The following DZANK1 variants were observed in gnomAD, a reference collection of about 807,000 sequenced individuals.
The protein encoded by DZANK1 is double zinc ribbon and ankyrin repeat domains 1.
DZANK1 carries 91 observed loss-of-function variants against 94.5 expected under a neutral mutation model. The observed-to-expected ratio is 0.96, with a 90% CI of 0.81 to 1.15. The LOEUF (loss-of-function observed/expected upper bound fraction) is 1.15. DZANK1 is among the 50% of genes most tolerant of loss of function. The pLI is 0.00. For missense variants in DZANK1, 903 were observed against 916.4 expected (o/e 0.99, Z 0.19); for synonymous variants, 312 against 325.3 (o/e 0.96, Z 0.44).
At chr20:18,395,385 A>C (rs1189714473) in intron 15 of DZANK1, among the ~76,000 whole-genome samples, 1 of 152,064 alleles carries the variant, frequency 6.6e-6, no homozygotes, top group Non-Finnish European at 1.5e-5. Context: ...ACAAAACCAA[A>C]CCAAAACAAA....
intron 10 of DZANK1, among the ~76,000 whole-genome samples, chr20:18,423,974 A>G (rs895467155): frequency 1.3e-5 from 2 of 152,330 alleles, no homozygotes; most frequent in East Asian, 3.9e-4. Flanking sequence ...TGAATTAACC[A>G]GAAGCTAGTT....
intron 10 of DZANK1, chr20:18,420,339 G>GT (rs1478589809): frequency 1.7e-5 from 3 of 173,334 alleles, no homozygotes; most frequent in Non-Finnish European, 3.8e-5. Context: ...CCACTGCAGG[G>GT]TGGGTAGGGA....
At chr20:18,394,480 G>C (rs2056215173) in intron 15 of DZANK1, 130 bp from the exon 16 acceptor site, 1 of 897,616 alleles carries the variant, frequency 1.1e-6, no homozygotes, top group Non-Finnish European at 1.8e-6. Flanking sequence ...TGGAGCCTGA[G>C]ACCTGGATGT....
chr20:18,384,423 C>T, exon 21 of DZANK1: 1 of 1,611,722 alleles, frequency 6.2e-7, no homozygotes, highest in Non-Finnish European at 8.5e-7. Context: ...GGCTGAGGCT[C>T]CTAGTTTGAG....
intron 10 of DZANK1, among the ~76,000 whole-genome samples, chr20:18,424,413 C>T (rs1431015041): frequency 2.0e-5 from 3 of 151,490 alleles, no homozygotes; most frequent in Non-Finnish European, 4.4e-5. Context: ...CAAGATTGTG[C>T]CACTGCACTC....
At chr20:18,439,536 A>T (rs1371937183) in intron 8 of DZANK1, among the ~76,000 whole-genome samples, 1 of 152,178 alleles carries the variant, frequency 6.6e-6, no homozygotes, top group East Asian at 1.9e-4. Context: ...TTACTGAAAC[A>T]TCATTACTGT....
intron 16 of DZANK1, 59 bp downstream of exon 16, chr20:18,394,195 T>C (rs2148221265): frequency 6.8e-7 from 1 of 1,472,392 alleles, no homozygotes; most frequent in South Asian, 1.2e-5. Context: ...CTGCTATACC[T>C]GCCAAGTCCA....
chr20:18,404,893 C>T (rs1056537585), intron 13 of DZANK1, among the ~76,000 whole-genome samples: 5 of 150,350 alleles, frequency 3.3e-5, no homozygotes, highest in African/African-American at 7.4e-5. Context: ...GCCTGGGTGA[C>T]AGAGCAAGAC....
At chr20:18,449,110 T>C (rs780860524) in intron 6 of DZANK1, 41 bp from the exon 7 acceptor site, 31 of 1,510,236 alleles carry the variant, frequency 2.1e-5, no homozygotes, top group Non-Finnish European at 2.8e-5. Context: ...AGTCATATAG[T>C]CAAAATAACA....
In DZANK1 at chr20:18,389,717, C is replaced by T. The variant is rs372715267; in HGVS notation, c.2002G>A (p.Asp668Asn). The change falls in exon 19 of 21, where the codon GAC (aspartate) becomes AAC (asparagine). Residue 668 changes from aspartate to asparagine, a missense_variant. Asp to Asn is a conservative substitution (Grantham distance 23). Transcript: ENST00000262547. ...TTCACTTACGGCCCCCACTGCTGGT[C>T]GATGTCTGCTCCTCTCTGCACGAGA... The T allele has an allele frequency of 7.4e-6, 12 of 1,613,710 alleles. 1 individual carries two copies. Among genetic ancestry groups the T allele is most frequent in the African/African-American group, 6.7e-5 (5 of 74,882 alleles).
intron 13 of DZANK1, among the ~76,000 whole-genome samples, chr20:18,409,117 G>A (rs535897067): frequency 9.9e-5 from 15 of 151,834 alleles, no homozygotes; most frequent in Non-Finnish European, 1.8e-4. Flanking sequence ...AATATCTCAC[G>A]TACCCCATAA....
chr20:18,452,851 G>T (rs1303594614), intron 5 of DZANK1, 112 bp from the exon 6 acceptor site: 3 of 1,110,444 alleles, frequency 2.7e-6, no homozygotes, highest in South Asian at 1.8e-5. Flanking sequence ...TCACCACATT[G>T]CTTCCCTAGA....
At chr20:18,407,171 G>T (rs2057005420) in intron 13 of DZANK1, among the ~76,000 whole-genome samples, 1 of 152,236 alleles carries the variant, frequency 6.6e-6, no homozygotes, top group Non-Finnish European at 1.5e-5. Context: ...TGCTATACTG[G>T]CTTCAGGTAT....
In DZANK1 at chr20:18,434,569, G is replaced by C. The variant is rs201171048; in HGVS notation, c.748-804C>G. On this transcript the variant is annotated intron_variant, in intron 8 of 20. Coordinates refer to ENST00000262547, the Ensembl canonical transcript of DZANK1. ...TCAAAAAAAAAAAAAAAAAAAAAAG[G>C]AATCACACAGTCAGATACTGCTGTC... 2.2e-3 allele frequency among the ~76,000 whole-genome samples: 323 copies of C among 145,568 alleles called. 5 individuals are homozygous for C. The highest frequency in any genetic ancestry group is 0.018 in the Admixed American group (269 of 14,592).
chr20:18,441,242 T>C lies in DZANK1; in HGVS notation c.747+2105A>G, dbSNP rs940153180. On this transcript the variant is annotated intron_variant, in intron 8 of 20. Coordinates refer to ENST00000262547, the Ensembl canonical transcript of DZANK1. The surrounding 1 kb of genome is among the most constrained non-coding windows in gnomAD (Gnocchi z 4.1). ...CAGCCTGATTAACTGTGATGCCCCC[T>C]CATGCTATGGATCACCAGTGTCCCA... Among the ~76,000 whole-genome samples, 2 of 152,162 alleles carry C rather than the reference T, an allele frequency of 1.3e-5. No individual in the cohort carries two copies. The highest frequency in any genetic ancestry group is 1.5e-5 in the Non-Finnish European group (1 of 68,030).
At chr20:18,455,726 C>T (rs2059262764) in intron 3 of DZANK1, among the ~76,000 whole-genome samples, 1 of 152,190 alleles carries the variant, frequency 6.6e-6, no homozygotes, top group Admixed American at 6.5e-5. Flanking sequence ...CTCAAATATG[C>T]AAAGCCTGGG....
At chr20:18,463,687 G>A (rs1328538816) in intron 2 of DZANK1, among the ~76,000 whole-genome samples, 1 of 151,928 alleles carries the variant, frequency 6.6e-6, no homozygotes, top group Non-Finnish European at 1.5e-5. Context: ...AGAATTATGG[G>A]CACATACATT....
chr20:18,424,980 T>C (rs879496034), intron 10 of DZANK1, among the ~76,000 whole-genome samples: 2 of 152,054 alleles, frequency 1.3e-5, no homozygotes, highest in Non-Finnish European at 2.9e-5. Context: ...GACAAAATCA[T>C]AGTGTCAAAA....
At chr20:18,425,392 A>T (rs961254740) in intron 10 of DZANK1, among the ~76,000 whole-genome samples, 1 of 152,142 alleles carries the variant, frequency 6.6e-6, no homozygotes, top group African/African-American at 2.4e-5. Context: ...TTCTACTAAA[A>T]ATACAAAAAT....
Sources: gnomAD v4.1 joint callset for allele counts (sites outside exome capture counted in the v4.1 genomes callset) on GRCh38, gnomAD v4.1.1 for gene constraint, Gnocchi (gnomAD v3.1) non-coding constraint, MANE v1.5 for transcripts, NCBI Gene and HGNC (gene_info 2026-07-23, HGNC 2026-07-21) for gene names.